The following INTU variants were observed in gnomAD, a reference collection of about 807,000 sequenced individuals.
The protein encoded by INTU is protein inturned.
In INTU, 68 loss-of-function variants were observed where a neutral mutation model predicts 100.5. That is an observed-to-expected ratio of 0.68 (90% confidence interval 0.56 to 0.83). INTU has a LOEUF of 0.83. Among genes scored for constraint, INTU ranks in the 40% least tolerant of loss-of-function variants. The pLI is 0.00. For synonymous variants in INTU, 357 were observed against 395.7 expected, an observed-to-expected ratio of 0.90 and a Z score of 1.16; for missense variants, 1,071 against 1,114.7, an observed-to-expected ratio of 0.96 and a Z score of 0.56.
intron 12 of INTU, among the ~76,000 whole-genome samples, chr4:127,707,943 A>G (rs1300522045): frequency 6.6e-6 from 1 of 152,212 alleles, no homozygotes; most frequent in Non-Finnish European, 1.5e-5. Context: ...GAGAAGGAGC[A>G]CAAATAAACT....
At chr4:127,653,843 A>T (rs907852672) in intron 2 of INTU, among the ~76,000 whole-genome samples, 21 of 151,492 alleles carry the variant, frequency 1.4e-4, no homozygotes, top group Non-Finnish European at 2.8e-4. Flanking sequence ...CCCATTATTA[A>T]TGTGTGGGAG....
At chr4:127,651,641 G>T (rs1390685033) in intron 2 of INTU, among the ~76,000 whole-genome samples, 1 of 152,200 alleles carries the variant, frequency 6.6e-6, no homozygotes, top group Admixed American at 6.5e-5. Context: ...ATAGTTTGAA[G>T]TCAGGTAGGG....
chr4:127,667,948 C>T (rs1386089037), intron 4 of INTU, among the ~76,000 whole-genome samples: 8 of 151,858 alleles, frequency 5.3e-5, no homozygotes, highest in South Asian at 4.1e-4. Context: ...TATTGTATAG[C>T]GAGACCGCAG....
intron 2 of INTU, among the ~76,000 whole-genome samples, chr4:127,653,919 A>G (rs1345368084): frequency 2.0e-5 from 3 of 151,828 alleles, no homozygotes; most frequent in Non-Finnish European, 4.4e-5. Flanking sequence ...TGTTGGGTGC[A>G]TATATATTTA....
At position 127,687,905 on chromosome 4, in the gene INTU, T is replaced by C. The variant is rs753267530; in HGVS notation, c.1449+38T>C. The C allele has an allele frequency of 6.7e-6, 9 of 1,346,214 alleles. No individual in the cohort carries two copies. The African/African-American group carries it at 1.3e-4, about 20-fold the overall frequency. The allele number at this position is 1,346,214 out of a possible 1,614,324, so 83.4% of individuals were successfully genotyped here. A position where few individuals can be genotyped will look rare whatever the true frequency, so the allele number is the denominator to read the frequency against. On this transcript the variant is annotated intron_variant, in intron 8 of 15. Transcript: ENST00000335251. ...ATTATAAAGCAGAAGCAGAACCAGGTGCCTTATTATAATCTTGTATCTTCT... is the reference window on the plus strand; with the variant it reads ...ATTATAAAGCAGAAGCAGAACCAGGCGCCTTATTATAATCTTGTATCTTCT...
chr4:127,721,240 A>C lies in INTU; in HGVS notation c.*4804A>C, dbSNP rs1731341702. 1 of 152,168 alleles carries C rather than the reference A, an allele frequency of 6.6e-6. No homozygotes were observed. The highest frequency in any genetic ancestry group is 2.1e-4 in the South Asian group (1 of 4,830). The allele number at this position is 152,168 out of a possible 1,614,324, so 9.4% of individuals were successfully genotyped here. ...CTCCTTCACTTATGAAGCTTAGTTC[A>C]GCCAGATATGAAATTCTAGGTTGGA... On this transcript the variant is annotated 3_prime_UTR_variant, in exon 16 of 16. Transcript: ENST00000335251.
At chr4:127,705,142 G>A (rs953790605) in intron 10 of INTU, among the ~76,000 whole-genome samples, 2 of 151,462 alleles carry the variant, frequency 1.3e-5, no homozygotes, top group African/African-American at 2.4e-5. Flanking sequence ...ATAACATTTA[G>A]TTCATGTCCA....
chr4:127,643,569 G>T lies in INTU; in HGVS notation c.195G>T (p.Leu65=). Residue 65 remains leucine, a synonymous_variant, in exon 2 of 16, where the codon CTG becomes CTT. Coordinates refer to ENST00000335251, the MANE Select transcript of INTU (RefSeq NM_015693.4). The part of the protein sequence containing the change: ...WLDSVQKNGE[L]FYLELSEDEE... The stretch of plus-strand genomic sequence containing the variant: ...ACAGTGTGCAGAAAAATGGAGAGCT[G>T]TTTTATTTGGAATTGAGTGAGGATG... 6.2e-7 allele frequency: 1 copy of T among 1,610,526 alleles called. No homozygotes were observed. Among genetic ancestry groups the T allele is most frequent in the Non-Finnish European group, 8.5e-7 (1 of 1,179,166 alleles).
intron 9 of INTU, among the ~76,000 whole-genome samples, chr4:127,701,091 G>A (rs1730627125): frequency 6.6e-6 from 1 of 152,124 alleles, no homozygotes; most frequent in African/African-American, 2.4e-5. Flanking sequence ...TGTTGTTCCT[G>A]ATGGAAGCAC....
rs767933500 is a variant in INTU at position 127,674,223 on chromosome 4, G to A, written c.1181+10G>A. 3.8e-6 allele frequency: 6 copies of A among 1,585,152 alleles called. No individual in the cohort carries two copies. The Admixed American group carries it at 1.0e-4, about 27-fold the overall frequency. On this transcript the variant is annotated intron_variant, in intron 6 of 15. Coordinates refer to ENST00000335251, the MANE Select transcript of INTU (RefSeq NM_015693.4). ...GCCTGCCTGCTGAAGAGTAAGTTGA[G>A]GTTTTGCTTACCTTAAAATCATTTC...
At chr4:127,708,304 G>T (rs1015173387) in intron 12 of INTU, among the ~76,000 whole-genome samples, 2 of 152,148 alleles carry the variant, frequency 1.3e-5, no homozygotes, top group Admixed American at 6.5e-5. Context: ...AGTCTAGGGA[G>T]GGGAGACAAG....
At chr4:127,713,553 A>G (rs1731162712) in intron 14 of INTU, among the ~76,000 whole-genome samples, 1 of 152,202 alleles carries the variant, frequency 6.6e-6, no homozygotes, top group African/African-American at 2.4e-5. Context: ...AGCACCTACT[A>G]TGAACCAGGC....
At chr4:127,684,575 T>C (rs1317037237) in intron 7 of INTU, 89 bp downstream of exon 7, 2 of 732,096 alleles carry the variant, frequency 2.7e-6, no homozygotes, top group African/African-American at 3.6e-5. Flanking sequence ...GCTTGACAGG[T>C]TAGTTATTTG....
At chr4:127,646,531 C>A (rs1379971183) in intron 2 of INTU, among the ~76,000 whole-genome samples, 3 of 152,120 alleles carry the variant, frequency 2.0e-5, no homozygotes, top group African/African-American at 7.2e-5. Flanking sequence ...TTGCCTAAAT[C>A]CATTAATTCA....
intron 2 of INTU, among the ~76,000 whole-genome samples, chr4:127,649,139 A>G (rs1727717393): frequency 6.6e-6 from 1 of 152,194 alleles, no homozygotes; most frequent in Non-Finnish European, 1.5e-5. Flanking sequence ...CTGTTTGCCA[A>G]CCCTACAGAT....
At chr4:127,699,874 A>G (rs1304207544) in intron 8 of INTU, 136 bp from the exon 9 acceptor site, 2 of 541,268 alleles carry the variant, frequency 3.7e-6, no homozygotes, top group East Asian at 3.0e-5. Context: ...ATTTTGAGAC[A>G]TTTCCTAAGT....
intron 15 of INTU, among the ~76,000 whole-genome samples, chr4:127,715,526 C>T (rs72616936): frequency 0.031 from 4,685 of 152,184 alleles, 307 homozygotes; most frequent in East Asian, 0.27. Flanking sequence ...TAGTAAGCTC[C>T]TTTGTGATTA....
intron 1 of INTU, among the ~76,000 whole-genome samples, chr4:127,641,240 A>G (rs192595228): frequency 0.017 from 2,656 of 152,178 alleles, 33 homozygotes; most frequent in Non-Finnish European, 0.026. Context: ...GATATCTAAC[A>G]CGTAAACTCT....
At chr4:127,683,013 C>G (rs796265650) in intron 6 of INTU, among the ~76,000 whole-genome samples, 1 of 152,212 alleles carries the variant, frequency 6.6e-6, no homozygotes, top group South Asian at 2.1e-4. Context: ...TCTGATGACA[C>G]CAGCCGAATC....
Sources: gnomAD v4.1 joint callset for allele counts (sites outside exome capture counted in the v4.1 genomes callset) on GRCh38, gnomAD v4.1.1 for gene constraint, MANE v1.5 for transcripts, NCBI Gene and HGNC (gene_info 2026-07-23, HGNC 2026-07-21) for gene names.